The following FER1L5 variants were observed in gnomAD, a reference collection of about 807,000 sequenced individuals.
FER1L5 encodes the protein fer-1 like family member 5.
A neutral mutation model predicts 279.9 loss-of-function variants in FER1L5; 187 were observed. The observed-to-expected ratio is 0.67, with a 90% confidence interval of 0.59 to 0.75. The LOEUF is 0.75. Among genes scored for constraint, FER1L5 ranks in the 30% least tolerant of loss-of-function variants. FER1L5 has a pLI of 0.00. For missense variants in FER1L5, 2,091 were observed against 2,594.4 expected (o/e 0.81, Z 4.21); for synonymous variants, 921 against 989.7 (o/e 0.93, Z 1.30).
chr2:96,672,747 A>G (rs1318989507), intron 18 of FER1L5, among the ~76,000 whole-genome samples: 2 of 152,038 alleles, frequency 1.3e-5, no homozygotes, highest in African/African-American at 4.8e-5. Context: ...GGTTTAGGCA[A>G]AAAGGAGGAA....
intron 51 of FER1L5, 140 bp downstream of exon 51, chr2:96,703,772 C>T (rs2077677027): frequency 7.7e-6 from 5 of 647,378 alleles, no homozygotes; most frequent in African/African-American, 1.9e-5. Context: ...CAGCAAAGAA[C>T]AGACTTGGGG....
At chr2:96,684,232 A>C in intron 19 of FER1L5, 95 bp from the exon 20 acceptor site, 1 of 1,450,158 alleles carries the variant, frequency 6.9e-7, no homozygotes, top group South Asian at 1.4e-5. Flanking sequence ...TTGAGGGTGC[A>C]GTGGTCCAGA....
chr2:96,698,604 T>G lies in FER1L5; in HGVS notation c.4357-67T>G. On this transcript the variant is annotated intron_variant, in intron 40 of 52. Coordinates refer to ENST00000624922, the MANE Select transcript of FER1L5 (RefSeq NM_001293083.2). The surrounding 1 kb of genome is among the most constrained non-coding windows in gnomAD (Gnocchi z 5.5). The stretch of plus-strand genomic sequence containing the variant: ...TCTCCTGAACATGGGCTGGGGCACC[T>G]CCCAGAGGGCTTTACAGAGCTGGCC... The G allele has an allele frequency of 7.3e-7, 1 of 1,376,516 alleles. No individual in the cohort carries two copies. Among genetic ancestry groups the G allele is most frequent in the South Asian group, 1.3e-5 (1 of 76,854 alleles). 85.3% of individuals were successfully genotyped at this position (1,376,516 alleles called of 1,614,324 possible).
intron 26 of FER1L5, 75 bp from the exon 27 acceptor site, chr2:96,690,412 G>A (rs1304217289): frequency 1.3e-5 from 18 of 1,369,588 alleles, no homozygotes; most frequent in Non-Finnish European, 1.8e-5. Flanking sequence ...ACGCACACAG[G>A]TGTGGGAAGA....
intron 14 of FER1L5, among the ~76,000 whole-genome samples, chr2:96,664,727 A>G (rs543896385): frequency 1.1e-4 from 17 of 152,346 alleles, no homozygotes; most frequent in Middle Eastern, 6.8e-3. Flanking sequence ...TCTATGGTAG[A>G]TGTATTAAGC....
chr2:96,699,537 A>C lies in FER1L5; in HGVS notation c.4611-13A>C. 6.2e-7 allele frequency: 1 copy of C among 1,610,014 alleles called. No individual in the cohort carries two copies. The highest frequency in any genetic ancestry group is 8.5e-7 in the Non-Finnish European group (1 of 1,177,160). On this transcript the variant is annotated splice_polypyrimidine_tract_variant and intron_variant, in intron 42 of 52. Coordinates refer to ENST00000624922, the MANE Select transcript of FER1L5 (RefSeq NM_001293083.2). Reference sequence around the variant, plus strand: ...GCCCACATCCTCTGCAGTCTCCAACACCTCACCCCTAGGATGTTTGAACTC... The same window carrying C: ...GCCCACATCCTCTGCAGTCTCCAACCCCTCACCCCTAGGATGTTTGAACTC...
intron 6 of FER1L5, 30 bp downstream of exon 6, chr2:96,650,319 G>A: frequency 6.6e-7 from 1 of 1,520,820 alleles, no homozygotes; most frequent in Non-Finnish European, 8.9e-7. Flanking sequence ...CAAGTTCATG[G>A]GACTCACCTG....
At position 96,691,292 on chromosome 2, in the gene FER1L5, T is replaced by C; in HGVS notation, c.2846T>C (p.Val949Ala). 6.4e-7 allele frequency: 1 copy of C among 1,550,548 alleles called. No individual in the cohort carries two copies. The highest frequency in any genetic ancestry group is 8.7e-7 in the Non-Finnish European group (1 of 1,146,858). Residue 949 changes from valine (V) to alanine (A), a missense_variant, in exon 28 of 53, where the codon GTG becomes GCG. By Grantham distance (64) the Val-to-Ala change is moderately conservative. Coordinates refer to ENST00000624922, the MANE Select transcript of FER1L5 (RefSeq NM_001293083.2). The surrounding 1 kb of genome is among the most constrained non-coding windows in gnomAD (Gnocchi z 6.0). ...HSCRRRRWAR[V>A]RFRNHGELSH... ...TGCCGCCGCCGGCGCTGGGCGCGTGTGCGCTTCAGGAACCATGGGGAGCTG... is the reference window on the plus strand; with the variant it reads ...TGCCGCCGCCGGCGCTGGGCGCGTGCGCGCTTCAGGAACCATGGGGAGCTG...
intron 45 of FER1L5, 60 bp downstream of exon 45, chr2:96,700,531 G>C (rs2153309814): frequency 6.2e-7 from 1 of 1,603,708 alleles, no homozygotes; most frequent in South Asian, 1.1e-5. Flanking sequence ...AGGAGACAGA[G>C]ATGCCTGTCC....
At chr2:96,671,106 C>CTAAAAAAAAAAA (rs2076309212) in intron 18 of FER1L5, among the ~76,000 whole-genome samples, 1 of 40,222 alleles carries the variant, frequency 2.5e-5, no homozygotes, top group South Asian at 1.3e-3. Context: ...GACTCCATCT[C>CTAAAAAAAAAAA]AAAAAAAAAA....
At chr2:96,699,231 C>A in intron 42 of FER1L5, 95 bp downstream of exon 42, 5 of 1,303,202 alleles carry the variant, frequency 3.8e-6, no homozygotes, top group Non-Finnish European at 5.4e-6. Flanking sequence ...GCACTCCTGT[C>A]CAGCCTCCAA....
intron 14 of FER1L5, among the ~76,000 whole-genome samples, chr2:96,668,200 C>T (rs917156914): frequency 6.6e-6 from 1 of 152,068 alleles, no homozygotes; most frequent in Non-Finnish European, 1.5e-5. Flanking sequence ...GTTCCAGGCC[C>T]CTCTCAGGAC....
rs2077493438 is a variant in FER1L5 at position 96,699,071 on chromosome 2, G to A, written c.4545G>A (p.Leu1515=). 1 of 1,611,654 alleles carries A rather than the reference G, an allele frequency of 6.2e-7. No homozygotes were observed. ...GLCDPYVILK[L]GKTELGNRDM... is the part of the protein sequence containing the mutation. ...GTGACCCTTATGTGATCCTGAAACT[G>A]GGCAAGACAGAGCTTGGCAACCGGG... The change falls in exon 42 of 53, where the codon CTG becomes CTA. Residue 1515 remains leucine, a synonymous_variant. Transcript: ENST00000624922.
At chr2:96,685,863 G>C in intron 21 of FER1L5, 77 bp from the exon 22 acceptor site, 1 of 1,452,428 alleles carries the variant, frequency 6.9e-7, no homozygotes, top group South Asian at 1.5e-5. Context: ...GGGCACGCTG[G>C]CCTAAGGCAG....
chr2:96,648,596 G>A (rs144404858), intron 4 of FER1L5, among the ~76,000 whole-genome samples: 21 of 152,320 alleles, frequency 1.4e-4, no homozygotes, highest in Non-Finnish European at 2.8e-4. Flanking sequence ...ATTAATCAAG[G>A]CCTGGCCATT....
At chr2:96,684,252 G>A (rs773212517) in intron 19 of FER1L5, 75 bp from the exon 20 acceptor site, 9 of 1,509,346 alleles carry the variant, frequency 6.0e-6, no homozygotes, top group African/African-American at 4.1e-5. Flanking sequence ...AGAGGTCCTC[G>A]GAGGGAGCAC....
At chr2:96,692,202 TCC>T (rs2077180426) in intron 31 of FER1L5, 21 bp downstream of exon 31, 1 of 1,551,076 alleles carries the variant, frequency 6.4e-7, no homozygotes, top group African/African-American at 1.4e-5. Flanking sequence ...GGCAGCCTTG[TCC>T]CCAGCTGAGG....
intron 2 of FER1L5, 46 bp from the exon 3 acceptor site, chr2:96,647,018 T>C: frequency 6.5e-7 from 1 of 1,531,112 alleles, no homozygotes; most frequent in Non-Finnish European, 8.8e-7. Context: ...AAACATGGGA[T>C]GGGAAGGGCA....
chr2:96,673,378 T>TG lies in FER1L5; in HGVS notation c.1669+125dup, dbSNP rs1277455274. On this transcript the variant is annotated intron_variant, in intron 19 of 52. Coordinates refer to ENST00000624922, the MANE Select transcript of FER1L5 (RefSeq NM_001293083.2). ...GCATTATTTACCTATATTTCACACA[T>TG]GAAAAAATGAGGTTCAGGGAGGTGA... is the stretch of plus-strand genomic sequence containing the variant. 5.4e-6 allele frequency: 6 copies of TG among 1,115,218 alleles called. No homozygotes were observed. In the Admixed American group the frequency reaches 8.7e-5, roughly 16 times the overall value. The allele number at this position is 1,115,218 out of a possible 1,614,324, so 69.1% of individuals were successfully genotyped here. A position where few individuals can be genotyped will look rare whatever the true frequency, so the allele number is the denominator to read the frequency against.
Sources: allele counts gnomAD v4.1 joint callset (sites outside exome capture counted in the v4.1 genomes callset), GRCh38; gene constraint gnomAD v4.1.1; non-coding constraint Gnocchi (gnomAD v3.1); transcripts MANE v1.5; gene names NCBI Gene and HGNC (gene_info 2026-07-23, HGNC 2026-07-21).